The following KSR1 variants were observed in gnomAD, a reference collection of about 807,000 sequenced individuals.
KSR1 encodes the protein kinase suppressor of ras 1.
In KSR1, 35 loss-of-function variants were observed where a neutral mutation model predicts 92.9. The ratio of observed to expected loss-of-function variants is 0.38; its 90% CI spans 0.29 to 0.50. The LOEUF (loss-of-function observed/expected upper bound fraction) is 0.50, where lower values mean the gene tolerates loss of function less well. Among genes scored for constraint, KSR1 ranks in the 20% least tolerant of loss-of-function variants. KSR1 has a pLI of 0.94. For synonymous variants in KSR1, 467 were observed against 472.6 expected, an observed-to-expected ratio of 0.99 and a Z score of 0.15; for missense variants, 972 against 1,158.5, an observed-to-expected ratio of 0.84 and a Z score of 2.34.
chr17:27,554,523 C>T (rs532966029), intron 2 of KSR1, among the ~76,000 whole-genome samples: 2 of 152,298 alleles, frequency 1.3e-5, no homozygotes, highest in East Asian at 1.9e-4. Flanking sequence ...ACTGCACACG[C>T]GAGGGATCTA....
intron 10 of KSR1, among the ~76,000 whole-genome samples, chr17:27,599,389 C>A (rs1178716923): frequency 1.3e-5 from 2 of 152,226 alleles, no homozygotes; most frequent in Non-Finnish European, 2.9e-5. Context: ...GAAACCCCAT[C>A]TCTACTAAAA....
At chr17:27,574,339 C>G (rs961978690) in intron 2 of KSR1, among the ~76,000 whole-genome samples, 5 of 152,210 alleles carry the variant, frequency 3.3e-5, no homozygotes, top group Non-Finnish European at 7.3e-5. Flanking sequence ...CTGCTGGTGC[C>G]GTTCTCATCA....
Position 27,577,645 on chromosome 17 carries a change from T to G in KSR1, c.520+6T>G. 6.5e-7 allele frequency: 1 copy of G among 1,547,372 alleles called. No homozygotes were observed. Among genetic ancestry groups the G allele is most frequent in the Non-Finnish European group, 8.7e-7 (1 of 1,149,828 alleles). On this transcript the variant is annotated splice_donor_region_variant and intron_variant, in intron 3 of 20. Coordinates refer to ENST00000644974, the MANE Select transcript of KSR1 (RefSeq NM_001394583.1). The surrounding 1 kb of genome is among the most constrained non-coding windows in gnomAD (Gnocchi z 4.5). ...GCGGAAGGTGACAGGCCTGGGTACG[T>G]GGGGCCTGCCACCCTCTCCCTTGCC...
At position 27,623,363 on chromosome 17, in the gene KSR1, G is replaced by A. The variant is rs371623461; in HGVS notation, c.2758G>A (p.Val920Ile). The change falls in exon 21 of 21, where the codon GTC (valine) becomes ATC (isoleucine). Residue 920 changes from valine (V) to isoleucine (I), a missense_variant. Physicochemically the swap from Val to Ile is conservative, Grantham distance 29. Transcript: ENST00000644974. The part of the protein sequence containing the change: ...VPRFERFGLG[V>I]LESSNPKM ...CCGGTTTGAAAGGTTTGGCTTGGGC[G>A]TCCTGGAGTCCAGTAATCCAAAGAT... 110 of 765,044 alleles carry A rather than the reference G, an allele frequency of 1.4e-4. No homozygotes were observed. Among genetic ancestry groups the A allele is most frequent in the African/African-American group, 1.2e-3 (70 of 59,228 alleles). 47.4% of individuals were successfully genotyped at this position (765,044 alleles called of 1,614,324 possible). A position where few individuals can be genotyped will look rare whatever the true frequency, so the allele number is the denominator to read the frequency against.
At chr17:27,516,522 C>T (rs909021106) in intron 1 of KSR1, among the ~76,000 whole-genome samples, 6 of 151,922 alleles carry the variant, frequency 3.9e-5, no homozygotes, top group Admixed American at 3.9e-4. Flanking sequence ...CCCTCCCCCT[C>T]CTCCTCCTCC....
intron 1 of KSR1, among the ~76,000 whole-genome samples, chr17:27,540,606 C>T (rs903945163): frequency 2.0e-5 from 3 of 152,214 alleles, no homozygotes; most frequent in African/African-American, 7.2e-5. Context: ...AGAGGGCTGG[C>T]TGTTGCGAAA....
chr17:27,604,509 G>C (rs1030528415), intron 12 of KSR1, among the ~76,000 whole-genome samples, 171 bp from the exon 13 acceptor site: 1 of 152,224 alleles, frequency 6.6e-6, no homozygotes, highest in African/African-American at 2.4e-5. Flanking sequence ...CAAGGGGCAG[G>C]TCTGGCCCTC....
In KSR1 at chr17:27,582,794, G is replaced by T. The variant is rs1368398059; in HGVS notation, c.669G>T (p.Gln223His). Residue 223 changes from glutamine (Q) to histidine (H), a missense_variant, in exon 4 of 21, where the codon CAG becomes CAT. Physicochemically the swap from Gln to His is conservative, Grantham distance 24. Coordinates refer to ENST00000644974, the MANE Select transcript of KSR1 (RefSeq NM_001394583.1). ...TGGGCAGAGCAGGCAACAGCGCCCAGGGCCCACGCTCCATCTCCGTGTCAG... is the reference window on the plus strand; with the variant it reads ...TGGGCAGAGCAGGCAACAGCGCCCATGGCCCACGCTCCATCTCCGTGTCAG... ...SQLGRAGNSA[Q>H]GPRSISVSAL... 4.3e-6 allele frequency: 7 copies of T among 1,613,502 alleles called. No homozygotes were observed. The highest frequency in any genetic ancestry group is 5.9e-6 in the Non-Finnish European group (7 of 1,179,752).
At chr17:27,617,075 G>A (rs2074082833) in intron 18 of KSR1, among the ~76,000 whole-genome samples, 1 of 152,148 alleles carries the variant, frequency 6.6e-6, no homozygotes, top group Non-Finnish European at 1.5e-5. Flanking sequence ...TAAGAAGGAA[G>A]GAGGTGAGGT....
At chr17:27,480,380 A>ATTTTC (rs962362694) in intron 1 of KSR1, among the ~76,000 whole-genome samples, 33 of 151,854 alleles carry the variant, frequency 2.2e-4, no homozygotes, top group African/African-American at 7.5e-4. Context: ...TCATTCACTG[A>ATTTTC]TTTTCTTTTC....
chr17:27,581,937 C>T (rs549846352), intron 3 of KSR1, among the ~76,000 whole-genome samples: 1 of 152,234 alleles, frequency 6.6e-6, no homozygotes, highest in South Asian at 2.1e-4. Context: ...TCTTTTTTCA[C>T]AAGCCCCAGA....
intron 1 of KSR1, among the ~76,000 whole-genome samples, chr17:27,511,367 G>A (rs1456587345): frequency 6.6e-6 from 1 of 152,226 alleles, no homozygotes. Context: ...AGAAGGCTGG[G>A]AGAGTGTGGA....
At chr17:27,616,723 A>G (rs1299751444) in intron 18 of KSR1, among the ~76,000 whole-genome samples, 4 of 152,198 alleles carry the variant, frequency 2.6e-5, no homozygotes, top group Admixed American at 6.5e-5. Flanking sequence ...AGAAGGCTGC[A>G]GGGCCGTGCT....
At chr17:27,560,696 G>C (rs557653986) in intron 2 of KSR1, among the ~76,000 whole-genome samples, 36 of 152,314 alleles carry the variant, frequency 2.4e-4, no homozygotes, top group Admixed American at 1.2e-3. Flanking sequence ...AAGCGAACCC[G>C]CATTTGGCTC....
chr17:27,555,085 C>A (rs567327712), intron 2 of KSR1, among the ~76,000 whole-genome samples: 1 of 152,180 alleles, frequency 6.6e-6, no homozygotes, highest in Non-Finnish European at 1.5e-5. Flanking sequence ...CAATCCAGGG[C>A]ACCGCATGGT....
intron 1 of KSR1, among the ~76,000 whole-genome samples, chr17:27,493,553 G>A (rs1018917335): frequency 1.3e-5 from 2 of 152,118 alleles, no homozygotes; most frequent in African/African-American, 2.4e-5. Flanking sequence ...TTTCTGTCTT[G>A]CTTATTGCAA....
intron 10 of KSR1, among the ~76,000 whole-genome samples, chr17:27,599,500 T>C (rs1366811834): frequency 2.0e-5 from 3 of 152,194 alleles, no homozygotes; most frequent in Non-Finnish European, 4.4e-5. Context: ...GAGGTTGCAG[T>C]GAGCTGAGAT....
chr17:27,539,476 G>T (rs2070878601), intron 1 of KSR1, among the ~76,000 whole-genome samples: 1 of 152,234 alleles, frequency 6.6e-6, no homozygotes, highest in Non-Finnish European at 1.5e-5. Context: ...CCCTCGGTCA[G>T]GTGTCTGTGC....
chr17:27,602,123 T>C (rs4468676), intron 11 of KSR1, among the ~76,000 whole-genome samples: 24,626 of 152,192 alleles, frequency 0.16, 2,220 homozygotes, highest in Admixed American at 0.24. Context: ...CTGTTTTTTT[T>C]TTGGATTGAA....
Sources: allele counts gnomAD v4.1 joint callset (sites outside exome capture counted in the v4.1 genomes callset), GRCh38; gene constraint gnomAD v4.1.1; non-coding constraint Gnocchi (gnomAD v3.1); transcripts MANE v1.5; gene names NCBI Gene and HGNC (gene_info 2026-07-23, HGNC 2026-07-21).